The following NPAT variants were observed in gnomAD, a reference collection of about 807,000 sequenced individuals.
NPAT encodes the protein protein NPAT.
In NPAT, 52 loss-of-function variants were observed where a neutral mutation model predicts 130.7. The observed-to-expected ratio is 0.40, with a 90% CI of 0.32 to 0.50. The LOEUF is 0.50. Ranked by LOEUF, NPAT falls within the 20% of genes least tolerant of loss-of-function variation. NPAT has a pLI of 0.68. For synonymous variants in NPAT, 580 were observed against 584.8 expected, an observed-to-expected ratio of 0.99 and a Z score of 0.12; for missense variants, 1,687 against 1,662.6, an observed-to-expected ratio of 1.01 and a Z score of -0.26.
intron 13 of NPAT, 64 bp from the exon 14 acceptor site, chr11:108,170,107 A>C: frequency 1.0e-6 from 1 of 989,790 alleles, no homozygotes; most frequent in Non-Finnish European, 1.6e-6. Flanking sequence ...AAACAAACAA[A>C]TGTTTGGCAC....
At chr11:108,200,078 C>G (rs572181321) in intron 1 of NPAT, among the ~76,000 whole-genome samples, 2 of 152,120 alleles carry the variant, frequency 1.3e-5, no homozygotes, top group Non-Finnish European at 2.9e-5. Context: ...GTTTTCTTTC[C>G]CCTGTTGAAG....
At chr11:108,220,680 T>C (rs1037442445) in intron 1 of NPAT, among the ~76,000 whole-genome samples, 1 of 152,216 alleles carries the variant, frequency 6.6e-6, no homozygotes, top group Non-Finnish European at 1.5e-5. Context: ...CTATTTAAGA[T>C]GTAAAATGAT....
chr11:108,176,986 C>A lies in NPAT; in HGVS notation c.1003+8G>T. The A allele has an allele frequency of 6.4e-7, 1 of 1,573,084 alleles. No homozygotes were observed. The highest frequency in any genetic ancestry group is 1.1e-5 in the South Asian group (1 of 90,200). ...TTTTTTCTGTCTTGAAATAAATAGT[C>A]TCCTTACCATAGTCAAAGAGATCAA... On this transcript the variant is annotated splice_region_variant and intron_variant, in intron 11 of 17. Transcript: ENST00000278612.
chr11:108,187,804 G>A (rs1451310243), intron 7 of NPAT, among the ~76,000 whole-genome samples: 1 of 151,614 alleles, frequency 6.6e-6, no homozygotes, highest in Admixed American at 6.6e-5. Context: ...TAAAAAACAT[G>A]GATTGCAAAA....
intron 3 of NPAT, among the ~76,000 whole-genome samples, chr11:108,193,414 A>C (rs537865854): frequency 1.3e-5 from 2 of 152,174 alleles, no homozygotes; most frequent in African/African-American, 4.8e-5. Context: ...GTTGCAATTT[A>C]TGTACCACTC....
intron 1 of NPAT, among the ~76,000 whole-genome samples, chr11:108,199,429 C>T (rs1300440369): frequency 6.6e-6 from 1 of 152,232 alleles, no homozygotes; most frequent in Non-Finnish European, 1.5e-5. Context: ...AGGCGCGCCA[C>T]AGGCCACAGA....
intron 4 of NPAT, among the ~76,000 whole-genome samples, chr11:108,191,508 A>G (rs563033604): frequency 1.2e-4 from 18 of 152,344 alleles, no homozygotes; most frequent in Non-Finnish European, 8.8e-5. Flanking sequence ...ACCAAGTAAG[A>G]TGTGGTCCAG....
intron 12 of NPAT, among the ~76,000 whole-genome samples, chr11:108,174,564 T>TAA (rs561166671): frequency 4.7e-4 from 49 of 103,948 alleles, no homozygotes; most frequent in African/African-American, 1.4e-3. Flanking sequence ...GAGAAGATCT[T>TAA]AAAAAAAAAA....
At chr11:108,183,872 C>T (rs1390116005) in intron 10 of NPAT, among the ~76,000 whole-genome samples, 1 of 151,772 alleles carries the variant, frequency 6.6e-6, no homozygotes, top group Admixed American at 6.6e-5. Flanking sequence ...ACTCAGAAGG[C>T]TGAGATGGGA....
intron 1 of NPAT, among the ~76,000 whole-genome samples, chr11:108,207,443 C>T (rs763969471): frequency 3.9e-5 from 6 of 152,230 alleles, no homozygotes; most frequent in Non-Finnish European, 5.9e-5. Context: ...AAGGTGCCCA[C>T]GGTGCTTAGG....
intron 10 of NPAT, 93 bp downstream of exon 10, chr11:108,185,139 T>C (rs1030740673): frequency 1.2e-5 from 10 of 822,502 alleles, no homozygotes; most frequent in African/African-American, 3.4e-5. Flanking sequence ...TAACATCTTA[T>C]GTTGGCAATG....
chr11:108,211,308 G>A (rs1030424289), intron 1 of NPAT, among the ~76,000 whole-genome samples: 4 of 152,152 alleles, frequency 2.6e-5, no homozygotes, highest in East Asian at 1.9e-4. Context: ...GTGGGAGGCC[G>A]AGGCAGGAGG....
rs966472174 is a variant in NPAT at position 108,192,965 on chromosome 11, C to A, written c.218-775G>T. Among the ~76,000 whole-genome samples the A allele has an allele frequency of 1.7e-3, 250 of 144,822 alleles. 1 individual carries two copies. The highest frequency in any genetic ancestry group is 3.2e-3 in the Non-Finnish European group (216 of 67,658). The stretch of plus-strand genomic sequence containing the variant: ...CGAGACTCCCGTCTCAAAAAAAAAA[C>A]AAACAAAGAAAAGACTAAATGAGAA... On this transcript the variant is annotated intron_variant, in intron 3 of 17. Transcript: ENST00000278612.
intron 1 of NPAT, among the ~76,000 whole-genome samples, chr11:108,220,282 T>C (rs371071707): frequency 9.2e-5 from 14 of 152,230 alleles, no homozygotes; most frequent in African/African-American, 3.4e-4. Flanking sequence ...GGATAAAAGG[T>C]AGGTGAAGAA....
intron 10 of NPAT, among the ~76,000 whole-genome samples, chr11:108,178,146 C>A (rs1269570301): frequency 6.6e-6 from 1 of 152,140 alleles, no homozygotes; most frequent in Admixed American, 6.5e-5. Context: ...ATGTAAAATG[C>A]TTTCCTTAAA....
intron 12 of NPAT, among the ~76,000 whole-genome samples, 189 bp downstream of exon 12, chr11:108,176,053 AGAAT>A (rs2078002360): frequency 3.3e-5 from 5 of 152,232 alleles, no homozygotes; most frequent in Admixed American, 2.6e-4. Context: ...TTATAGTAAA[AGAAT>A]GAATACTGTA....
Position 108,188,329 on chromosome 11 carries a change from ACAC to A in NPAT, c.557-153_557-151del, listed in dbSNP as rs2078129107. The A allele has an allele frequency of 7.4e-6, 5 of 673,588 alleles. No individual in the cohort carries two copies. In the East Asian group the frequency reaches 1.3e-4, roughly 18 times the overall value. 41.7% of individuals were successfully genotyped at this position (673,588 alleles called of 1,614,324 possible). A position where few individuals can be genotyped will look rare whatever the true frequency, so the allele number is the denominator to read the frequency against. ...TACCATGTGTAAAGCATGGTAAAAG[ACAC>A]TAAGATTAATAAAATACAGTCTTTA... is the stretch of plus-strand genomic sequence containing the variant. On this transcript the variant is annotated intron_variant, in intron 6 of 17. Coordinates refer to ENST00000278612, the MANE Select transcript of NPAT (RefSeq NM_002519.3).
chr11:108,187,759 G>C (rs549949163), intron 7 of NPAT, among the ~76,000 whole-genome samples: 1 of 151,444 alleles, frequency 6.6e-6, no homozygotes, highest in African/African-American at 2.5e-5. Flanking sequence ...AATGTGTGTG[G>C]AGCATAGAAC....
intron 10 of NPAT, among the ~76,000 whole-genome samples, chr11:108,184,771 TCTGCCCTCCTTGGCCTGC>T (rs1221698366): frequency 1.3e-5 from 2 of 152,234 alleles, no homozygotes. Flanking sequence ...CCTTAAGTGA[TCTGCCCTCCTTGGCCTGC>T]CAAAGTGCTG....
Sources: allele counts gnomAD v4.1 joint callset (sites outside exome capture counted in the v4.1 genomes callset), GRCh38; gene constraint gnomAD v4.1.1; transcripts MANE v1.5; gene names NCBI Gene and HGNC (gene_info 2026-07-23, HGNC 2026-07-21).